The following CRIM1 variants were observed in gnomAD, a reference collection of about 807,000 sequenced individuals.
CRIM1 encodes cysteine-rich motor neuron 1 protein.
In CRIM1, 32 loss-of-function variants were observed where a neutral mutation model predicts 116.4. The ratio of observed to expected loss-of-function variants is 0.27; its 90% confidence interval spans 0.21 to 0.37. The LOEUF is 0.37. CRIM1 is among the 10% of genes least tolerant of loss of function. CRIM1 has a pLI of 1.00. For missense variants in CRIM1, 1,331 were observed against 1,354.8 expected (o/e 0.98, Z 0.28); for synonymous variants, 590 against 509.2 (o/e 1.16, Z -2.13).
chr2:36,450,106 A>G (rs918922939), intron 4 of CRIM1, among the ~76,000 whole-genome samples: 2 of 152,190 alleles, frequency 1.3e-5, no homozygotes, highest in Non-Finnish European at 2.9e-5. Context: ...ATATCTGGCC[A>G]AAGGCTGACT....
intron 4 of CRIM1, among the ~76,000 whole-genome samples, chr2:36,453,314 C>G (rs542196090): frequency 6.6e-6 from 1 of 152,292 alleles, no homozygotes. Flanking sequence ...TTATTCTTTC[C>G]TGACTTTGCT....
intron 7 of CRIM1, among the ~76,000 whole-genome samples, chr2:36,483,805 A>C (rs1172458072): frequency 6.6e-6 from 1 of 152,200 alleles, no homozygotes; most frequent in African/African-American, 2.4e-5. Context: ...CTTCATACAG[A>C]TCTTCTTTTT....
intron 6 of CRIM1, 79 bp from the exon 7 acceptor site, chr2:36,479,418 G>GA (rs1679233092): frequency 7.0e-6 from 10 of 1,435,142 alleles, no homozygotes; most frequent in South Asian, 1.2e-5. Context: ...AGAACCCAGG[G>GA]AAAAAATGTC....
Position 36,409,236 on chromosome 2 carries a change from T to C in CRIM1, c.505+12449T>C, listed in dbSNP as rs76216467. Among the ~76,000 whole-genome samples the C allele has an allele frequency of 8.3e-3, 1,268 of 152,276 alleles. 41 individuals are homozygous for C. Among genetic ancestry groups the C allele is most frequent in the South Asian group, 0.073 (352 of 4,818 alleles). On this transcript the variant is annotated intron_variant, in intron 2 of 16. Coordinates refer to ENST00000280527, the MANE Select transcript of CRIM1 (RefSeq NM_016441.3). ...CTTTTTCCCACTATGCCCTCCCTAT[T>C]CTTTTAGTTTTTTTCCACCTCAGAA...
chr2:36,435,174 G>A (rs930784818), intron 2 of CRIM1, among the ~76,000 whole-genome samples: 1 of 152,152 alleles, frequency 6.6e-6, no homozygotes, highest in Non-Finnish European at 1.5e-5. Flanking sequence ...TCAGAGGGAG[G>A]TGTCGGAAAA....
rs1171764587 is a variant in CRIM1, at chr2:36,356,595, C to A, written c.303C>A (p.Leu101=). The A allele has an allele frequency of 1.9e-6, 3 of 1,610,946 alleles. No individual in the cohort carries two copies. In the African/African-American group the frequency reaches 4.0e-5, roughly 22 times the overall value. Residue 101 remains leucine, a synonymous_variant, in exon 1 of 17, where the codon CTC becomes CTA. Transcript: ENST00000280527. The surrounding 1 kb of genome is among the most constrained non-coding windows in gnomAD (Gnocchi z 4.3). ...VIRPPLNGDS[L]TEYEAGVCED... ...GCCCCCCGCTCAATGGCGACTCCCT[C>A]ACCGAGTACGAAGCGGGCGTTTGCG...
intron 12 of CRIM1, among the ~76,000 whole-genome samples, chr2:36,521,602 C>G (rs1292672852): frequency 1.3e-5 from 2 of 152,176 alleles, no homozygotes; most frequent in East Asian, 1.9e-4. Flanking sequence ...TCAACGCACT[C>G]CTATCAAGGC....
chr2:36,500,440 G>C (rs1370274040), intron 8 of CRIM1, among the ~76,000 whole-genome samples: 1 of 152,144 alleles, frequency 6.6e-6, no homozygotes, highest in East Asian at 1.9e-4. Flanking sequence ...GAGGTTATAA[G>C]TAGCTAAAAA....
intron 7 of CRIM1, among the ~76,000 whole-genome samples, chr2:36,481,706 G>A (rs1160449801): frequency 2.6e-5 from 4 of 152,172 alleles, no homozygotes; most frequent in East Asian, 1.9e-4. Context: ...GGTTTAAGGC[G>A]ATTTAGATCA....
chr2:36,487,073 A>T (rs1679876059), intron 7 of CRIM1, among the ~76,000 whole-genome samples: 1 of 152,218 alleles, frequency 6.6e-6, no homozygotes, highest in South Asian at 2.1e-4. Context: ...TACCCAGTAG[A>T]ATTTAACATT....
intron 16 of CRIM1, among the ~76,000 whole-genome samples, chr2:36,547,414 T>C (rs1451979891): frequency 6.6e-6 from 1 of 152,152 alleles, no homozygotes; most frequent in African/African-American, 2.4e-5. Context: ...ATGGATCCAG[T>C]TTTCTCGATG....
intron 15 of CRIM1, among the ~76,000 whole-genome samples, chr2:36,545,792 C>G (rs1667282342): frequency 3.9e-5 from 6 of 152,090 alleles, no homozygotes; most frequent in Admixed American, 3.9e-4. Flanking sequence ...ACACATATTC[C>G]TAAAACTGCT....
At chr2:36,450,411 G>A (rs1002952926) in intron 4 of CRIM1, among the ~76,000 whole-genome samples, 5 of 152,136 alleles carry the variant, frequency 3.3e-5, no homozygotes, top group Admixed American at 3.3e-4. Flanking sequence ...GTTCTTTTCT[G>A]TGTTTTACAT....
chr2:36,405,895 G>A (rs1024078520), intron 2 of CRIM1, among the ~76,000 whole-genome samples: 2 of 152,026 alleles, frequency 1.3e-5, no homozygotes, highest in African/African-American at 4.8e-5. Flanking sequence ...TCATGGTAAG[G>A]GACAAAACAA....
At chr2:36,547,431 GAA>G (rs1373889207) in intron 16 of CRIM1, among the ~76,000 whole-genome samples, 2 of 152,126 alleles carry the variant, frequency 1.3e-5, no homozygotes, top group Non-Finnish European at 2.9e-5. Flanking sequence ...GATGTACTCT[GAA>G]GTTTTCAAAT....
At chr2:36,478,867 C>T (rs1679190382) in intron 6 of CRIM1, among the ~76,000 whole-genome samples, 1 of 151,580 alleles carries the variant, frequency 6.6e-6, no homozygotes, top group Non-Finnish European at 1.5e-5. Context: ...GCTTTGGCTA[C>T]TTCTGTCTCC....
chr2:36,488,378 C>T (rs566563704), intron 7 of CRIM1, among the ~76,000 whole-genome samples: 3 of 152,152 alleles, frequency 2.0e-5, no homozygotes, highest in Admixed American at 1.3e-4. Flanking sequence ...ACCTATCAGC[C>T]TCTTAATTTG....
intron 7 of CRIM1, among the ~76,000 whole-genome samples, chr2:36,485,927 A>G (rs1175491594): frequency 2.6e-5 from 4 of 152,242 alleles, no homozygotes; most frequent in Non-Finnish European, 5.9e-5. Context: ...AAATTAAAAT[A>G]TAACACAGTC....
chr2:36,514,411 GT>G (rs1381775349), intron 11 of CRIM1, among the ~76,000 whole-genome samples: 1 of 152,120 alleles, frequency 6.6e-6, no homozygotes, highest in Non-Finnish European at 1.5e-5. Flanking sequence ...CATCTAGTAC[GT>G]TTTATCCAAA....
Sources: gnomAD v4.1 joint callset for allele counts (sites outside exome capture counted in the v4.1 genomes callset) on GRCh38, gnomAD v4.1.1 for gene constraint, Gnocchi (gnomAD v3.1) non-coding constraint, MANE v1.5 for transcripts, NCBI Gene and HGNC (gene_info 2026-07-23, HGNC 2026-07-21) for gene names.